Variants in PTPRD observed in about 807,000 individuals in gnomAD.
PTPRD encodes the protein protein tyrosine phosphatase receptor type D.
Under a neutral mutation model 214.5 loss-of-function variants are expected in PTPRD, and 34 were observed. The ratio of observed to expected loss-of-function variants is 0.16; its 90% CI spans 0.12 to 0.21. The LOEUF (loss-of-function observed/expected upper bound fraction) is 0.21. Ranked by LOEUF, PTPRD falls within the 10% of genes least tolerant of loss-of-function variation. PTPRD has a pLI of 1.00. For missense variants in PTPRD, 2,545 were observed against 2,398.7 expected (o/e 1.06, Z -1.27); for synonymous variants, 1,128 against 845.7 (o/e 1.33, Z -5.79).
At chr9:9,816,955 A>C (rs2761743) in intron 5 of PTPRD, among the ~76,000 whole-genome samples, 67,925 of 151,804 alleles carry the variant, frequency 0.45, 17,594 homozygotes, top group African/African-American at 0.72. Flanking sequence ...AATAGAAAAT[A>C]AGGATTCTTT....
chr9:10,335,892 T>C (rs2096835768), intron 3 of PTPRD, among the ~76,000 whole-genome samples: 1 of 151,680 alleles, frequency 6.6e-6, no homozygotes, highest in Non-Finnish European at 1.5e-5. Flanking sequence ...CATAGAGATA[T>C]CAGTACGTAC....
chr9:9,210,278 T>C (rs185058783), intron 9 of PTPRD, among the ~76,000 whole-genome samples: 38 of 152,232 alleles, frequency 2.5e-4, no homozygotes, highest in African/African-American at 8.9e-4. Flanking sequence ...TCAAAACGAA[T>C]CTGAAACTCA....
chr9:10,089,924 G>A (rs1359817527), intron 3 of PTPRD, among the ~76,000 whole-genome samples: 1 of 151,536 alleles, frequency 6.6e-6, no homozygotes, highest in East Asian at 1.9e-4. Flanking sequence ...AATATCCTGG[G>A]AAAGCATTTA....
intron 2 of PTPRD, among the ~76,000 whole-genome samples, chr9:10,418,497 A>T (rs997049261): frequency 7.4e-6 from 1 of 135,118 alleles, no homozygotes; most frequent in African/African-American, 2.9e-5. Flanking sequence ...ACACACACAC[A>T]CTTCATATCC....
At chr9:8,828,472 T>C (rs1175646366) in intron 11 of PTPRD, among the ~76,000 whole-genome samples, 1 of 152,182 alleles carries the variant, frequency 6.6e-6, no homozygotes, top group African/African-American at 2.4e-5. Flanking sequence ...CCTGACACCT[T>C]GATCTTGGAC....
chr9:8,979,593 T>C (rs1477727282), intron 11 of PTPRD, among the ~76,000 whole-genome samples: 1 of 152,040 alleles, frequency 6.6e-6, no homozygotes, highest in Admixed American at 6.6e-5. Flanking sequence ...AACAGACATT[T>C]CTCCAAAGGA....
intron 11 of PTPRD, among the ~76,000 whole-genome samples, chr9:8,999,688 G>C (rs917189951): frequency 1.3e-5 from 2 of 151,688 alleles, no homozygotes; most frequent in Non-Finnish European, 2.9e-5. Context: ...AACATGGCTG[G>C]GAATATTTCG....
In PTPRD at chr9:9,478,858, T is replaced by A. The variant is rs188166916; in HGVS notation, c.-236-81376A>T. Among the ~76,000 whole-genome samples, 10 of 152,300 alleles carry A rather than the reference T, an allele frequency of 6.6e-5. No homozygotes were observed. The East Asian group carries it at 1.7e-3, about 26-fold the overall frequency. ...GAGGTAGTTCAAGGGTGCAAGTGAG[T>A]TCCATCTCATGTTTGCTTACGCAGC... On this transcript the variant is annotated intron_variant, in intron 8 of 45. Coordinates refer to ENST00000381196, the MANE Select transcript of PTPRD (RefSeq NM_002839.4).
rs1251410676 is a variant in PTPRD at position 8,524,695 on chromosome 9, A to G, written c.679+230T>C. ...TAGAAACCAAGATGTAAAAATGCAA[A>G]TATACTTACAAACTCCAAGCCTCAG... is the stretch of plus-strand genomic sequence containing the variant. On this transcript the variant is annotated intron_variant, in intron 18 of 45. Transcript: ENST00000381196. 4.8e-6 allele frequency: 3 copies of G among 622,808 alleles called. No individual in the cohort carries two copies. In the Admixed American group the frequency reaches 8.1e-5, roughly 17 times the overall value. 38.6% of individuals were successfully genotyped at this position (622,808 alleles called of 1,614,324 possible).
intron 9 of PTPRD, among the ~76,000 whole-genome samples, chr9:9,275,422 G>A (rs575130814): frequency 6.7e-6 from 1 of 150,182 alleles, no homozygotes; most frequent in East Asian, 2.0e-4. Flanking sequence ...TCAGTGCAGA[G>A]GGGCTGTGAG....
Position 9,378,731 on chromosome 9 carries a change from C to CACT in PTPRD, c.-203+18717_-203+18718insAGT, listed in dbSNP as rs34091459. Among the ~76,000 whole-genome samples the CACT allele has an allele frequency of 4.2e-3, 638 of 151,892 alleles. 3 individuals carry two copies. The highest frequency in any genetic ancestry group is 0.015 in the African/African-American group (604 of 41,456). ...TTCTAATAGGTGTGTAGTTGTATAT[C>CACT]GTTGTTTGAATTCACATTTCTCTAA... On this transcript the variant is annotated intron_variant, in intron 9 of 45. Transcript: ENST00000381196.
intron 35 of PTPRD, among the ~76,000 whole-genome samples, chr9:8,435,273 C>T (rs2095295796): frequency 6.6e-6 from 1 of 152,110 alleles, no homozygotes; most frequent in Non-Finnish European, 1.5e-5. Context: ...TTACATGGAG[C>T]TTCTTCTTAT....
At position 9,024,352 on chromosome 9, in the gene PTPRD, G is replaced by GTT. The variant is rs397944358; in HGVS notation, c.-142-5619_-142-5618dup. Among the ~76,000 whole-genome samples, 341 of 140,024 alleles carry GTT rather than the reference G, an allele frequency of 2.4e-3. 9 individuals are homozygous for GTT. Among genetic ancestry groups the GTT allele is most frequent in the African/African-American group, 7.0e-3 (259 of 36,912 alleles). The allele number at this position is 140,024 out of a possible 152,430, so 91.9% of individuals were successfully genotyped here. On this transcript the variant is annotated intron_variant, in intron 10 of 45. Coordinates refer to ENST00000381196, the MANE Select transcript of PTPRD (RefSeq NM_002839.4). ...GTCGATTCTTTGTTTTTTTTTGTTT[G>GTT]TTTTTTTTTTTTTCCTGTATAAACA...
chr9:10,133,386 A>C (rs1237445510), intron 3 of PTPRD, among the ~76,000 whole-genome samples: 2 of 152,184 alleles, frequency 1.3e-5, no homozygotes, highest in African/African-American at 4.8e-5. Context: ...CCAATGTTTA[A>C]CTCTGCAGGT....
chr9:9,497,988 A>C (rs1380675165), intron 8 of PTPRD, among the ~76,000 whole-genome samples: 2 of 152,160 alleles, frequency 1.3e-5, no homozygotes, highest in Non-Finnish European at 2.9e-5. Flanking sequence ...AATTTCTATA[A>C]GATGAGTAAT....
At chr9:8,911,710 G>A (rs966274341) in intron 11 of PTPRD, among the ~76,000 whole-genome samples, 7 of 151,614 alleles carry the variant, frequency 4.6e-5, no homozygotes, top group Non-Finnish European at 1.0e-4. Context: ...CTGTTTAAAG[G>A]GTGGCATTAA....
At chr9:8,649,861 T>A (rs1038659539) in intron 12 of PTPRD, among the ~76,000 whole-genome samples, 1 of 152,206 alleles carries the variant, frequency 6.6e-6, no homozygotes, top group African/African-American at 2.4e-5. Flanking sequence ...ATTTGGCTAT[T>A]TAAAAATATT....
At chr9:9,365,010 C>T (rs2057460001) in intron 9 of PTPRD, among the ~76,000 whole-genome samples, 1 of 151,448 alleles carries the variant, frequency 6.6e-6, no homozygotes, top group South Asian at 2.1e-4. Context: ...CTCTGATGAA[C>T]TGGATATGAC....
At chr9:9,217,738 C>T (rs1056394333) in intron 9 of PTPRD, among the ~76,000 whole-genome samples, 1 of 152,104 alleles carries the variant, frequency 6.6e-6, no homozygotes, top group African/African-American at 2.4e-5. Flanking sequence ...TTCCTTGGAT[C>T]CATTTCTACT....
Sources: gnomAD v4.1 joint callset for allele counts (sites outside exome capture counted in the v4.1 genomes callset) on GRCh38, gnomAD v4.1.1 for gene constraint, MANE v1.5 for transcripts, NCBI Gene and HGNC (gene_info 2026-07-23, HGNC 2026-07-21) for gene names.